Variants in POLN observed in about 807,000 individuals in gnomAD.
The protein encoded by POLN is DNA polymerase nu, also known as DNA polymerase N.
In POLN, 108 loss-of-function variants were observed where a neutral mutation model predicts 113.5. That is an observed-to-expected ratio of 0.95 (90% CI 0.81 to 1.12). POLN has a LOEUF of 1.12. POLN is among the 50% of genes most tolerant of loss of function. The pLI, the probability that POLN is intolerant of heterozygous loss-of-function variation, is 0.00. For missense variants in POLN, 1,097 were observed against 1,077.1 expected (o/e 1.02, Z -0.26); for synonymous variants, 386 against 391.5 (o/e 0.99, Z 0.17).
chr4:2,218,186 C>G (rs1353700193), intron 3 of POLN, among the ~76,000 whole-genome samples: 1 of 150,850 alleles, frequency 6.6e-6, no homozygotes, highest in East Asian at 1.9e-4. Context: ...AATCCCAGCA[C>G]TTTGGGAGGC....
At chr4:2,092,261 G>A (rs559505668) in intron 20 of POLN, among the ~76,000 whole-genome samples, 26 of 152,338 alleles carry the variant, frequency 1.7e-4, no homozygotes, top group African/African-American at 3.8e-4. Flanking sequence ...GGATGTGGAG[G>A]CAAGCTTCAG....
At chr4:2,128,343 C>T (rs1335268536) in intron 18 of POLN, 116 bp from the exon 19 acceptor site, 4 of 628,606 alleles carry the variant, frequency 6.4e-6, no homozygotes, top group Non-Finnish European at 1.1e-5. Context: ...GTCCATGTCC[C>T]TGCCTCCCAT....
chr4:2,074,332 T>A (rs1577675010), intron 24 of POLN, among the ~76,000 whole-genome samples: 1 of 151,626 alleles, frequency 6.6e-6, no homozygotes, highest in Admixed American at 6.6e-5. Flanking sequence ...GACCCCTGGT[T>A]CCCCAGGCCC....
chr4:2,142,128 A>G (rs904877046), intron 16 of POLN, among the ~76,000 whole-genome samples: 1 of 152,212 alleles, frequency 6.6e-6, no homozygotes, highest in Non-Finnish European at 1.5e-5. Context: ...GAGTCTTGAT[A>G]TTTAAAAGGA....
chr4:2,181,658 C>T (rs187219585), intron 7 of POLN, among the ~76,000 whole-genome samples: 27 of 151,946 alleles, frequency 1.8e-4, no homozygotes, highest in Non-Finnish European at 2.7e-4. Flanking sequence ...AGAAAACAAA[C>T]GAACACAGCA....
At chr4:2,089,999 C>A in intron 20 of POLN, 1 of 922,014 alleles carries the variant, frequency 1.1e-6, no homozygotes, top group South Asian at 1.5e-5. Context: ...TTAAGTCTGT[C>A]AAGTTTCTTT....
chr4:2,237,688 G>A (rs1261127570), intron 2 of POLN, among the ~76,000 whole-genome samples: 1 of 152,014 alleles, frequency 6.6e-6, no homozygotes, highest in Non-Finnish European at 1.5e-5. Flanking sequence ...CTATATTACA[G>A]GATTGTGGTG....
chr4:2,181,660 A>G (rs1260955253), intron 7 of POLN, among the ~76,000 whole-genome samples: 1 of 152,146 alleles, frequency 6.6e-6, no homozygotes, highest in Non-Finnish European at 1.5e-5. Flanking sequence ...AAAACAAACG[A>G]ACACAGCACT....
chr4:2,108,323 C>G (rs972883798), intron 19 of POLN, among the ~76,000 whole-genome samples: 3 of 151,882 alleles, frequency 2.0e-5, no homozygotes, highest in African/African-American at 7.3e-5. Context: ...CTTAAAGGCC[C>G]CAGGCCTCAG....
intron 3 of POLN, among the ~76,000 whole-genome samples, chr4:2,219,779 G>A (rs1049454532): frequency 3.3e-5 from 5 of 152,148 alleles, no homozygotes; most frequent in East Asian, 1.9e-4. Flanking sequence ...ATCTGCCCTG[G>A]CAGTTCTAAT....
At position 2,130,963 on chromosome 4, in the gene POLN, G is replaced by A. The variant is rs550567150; in HGVS notation, c.1789+270C>T. ...AGGCCAAGGTGGGAGGATCACTTGC[G>A]CCCAAGAGTTTGAGACCAGCCTTGA... is the stretch of plus-strand genomic sequence containing the variant. On this transcript the variant is annotated intron_variant, in intron 17 of 25. Coordinates refer to ENST00000511885, the MANE Select transcript of POLN (RefSeq NM_181808.4). 9.9e-4 allele frequency among the ~76,000 whole-genome samples: 150 copies of A among 152,266 alleles called. 2 individuals carry two copies. The South Asian group carries it at 0.017, about 18-fold the overall frequency.
At chr4:2,196,372 G>A (rs1733573163) in intron 6 of POLN, among the ~76,000 whole-genome samples, 1 of 152,146 alleles carries the variant, frequency 6.6e-6, no homozygotes, top group Non-Finnish European at 1.5e-5. Context: ...CCAGTTTACA[G>A]AAAATATGGA....
chr4:2,108,852 G>A (rs984320486), intron 19 of POLN, among the ~76,000 whole-genome samples: 1 of 152,102 alleles, frequency 6.6e-6, no homozygotes, highest in African/African-American at 2.4e-5. Flanking sequence ...AAACCTTGAT[G>A]GGAAATGACA....
At chr4:2,161,301 G>C (rs1484160481) in intron 13 of POLN, among the ~76,000 whole-genome samples, 1 of 152,220 alleles carries the variant, frequency 6.6e-6, no homozygotes, top group Non-Finnish European at 1.5e-5. Context: ...GGGGCTGCGC[G>C]GGGCGCTTGC....
At chr4:2,234,607 A>T (rs1734692749) in intron 2 of POLN, 1 of 152,392 alleles carries the variant, frequency 6.6e-6, no homozygotes, top group Admixed American at 6.5e-5. Flanking sequence ...TCAGGACTTA[A>T]CTAATAACAA....
At chr4:2,184,157 G>T (rs1301713043) in intron 7 of POLN, among the ~76,000 whole-genome samples, 2 of 135,740 alleles carry the variant, frequency 1.5e-5, no homozygotes, top group Non-Finnish European at 3.2e-5. Context: ...CCCAGCCAAA[G>T]TTTTTTTTTT....
intron 23 of POLN, among the ~76,000 whole-genome samples, chr4:2,076,073 C>A (rs1730267876): frequency 6.6e-6 from 1 of 152,210 alleles, no homozygotes; most frequent in Admixed American, 6.5e-5. Flanking sequence ...AAGCCCCACC[C>A]TTCCCCAGCC....
chr4:2,217,174 C>A (rs1367031560), intron 3 of POLN, among the ~76,000 whole-genome samples: 1 of 152,208 alleles, frequency 6.6e-6, no homozygotes, highest in Non-Finnish European at 1.5e-5. Context: ...CTAACCGCTG[C>A]CCAAGAGTTC....
intron 3 of POLN, among the ~76,000 whole-genome samples, chr4:2,213,734 A>G (rs763491886): frequency 7.2e-5 from 11 of 152,206 alleles, no homozygotes; most frequent in African/African-American, 1.2e-4. Context: ...TAGGATAAAT[A>G]TAACAAAAAA....
Sources: gnomAD v4.1 joint callset for allele counts (sites outside exome capture counted in the v4.1 genomes callset) on GRCh38, gnomAD v4.1.1 for gene constraint, MANE v1.5 for transcripts, NCBI Gene and HGNC (gene_info 2026-07-23, HGNC 2026-07-21) for gene names.